The following OPCML variants were observed in gnomAD, a reference collection of about 807,000 sequenced individuals.
OPCML encodes the protein opioid binding protein/cell adhesion molecule like.
In OPCML, 13 loss-of-function variants were observed where a neutral mutation model predicts 37.8. The ratio of observed to expected loss-of-function variants is 0.34; its 90% CI spans 0.22 to 0.55. The LOEUF (loss-of-function observed/expected upper bound fraction) is 0.55, where lower values mean the gene tolerates loss of function less well. Among genes scored for constraint, OPCML ranks in the 20% least tolerant of loss-of-function variants. OPCML has a pLI of 0.91. For missense variants in OPCML, 341 were observed against 435.6 expected (o/e 0.78, Z 1.93); for synonymous variants, 176 against 168.8 (o/e 1.04, Z -0.33).
At chr11:133,102,997 G>T (rs1477972081) in intron 1 of OPCML, among the ~76,000 whole-genome samples, 1 of 152,138 alleles carries the variant, frequency 6.6e-6, no homozygotes, top group African/African-American at 2.4e-5. Context: ...CCTGGGGAGA[G>T]TATCCCTCTG....
intron 4 of OPCML, among the ~76,000 whole-genome samples, chr11:132,527,191 T>A (rs1348975193): frequency 6.6e-6 from 1 of 152,172 alleles, no homozygotes; most frequent in Admixed American, 6.5e-5. Flanking sequence ...GCTAAAAACA[T>A]TTGTGTACAA....
intron 2 of OPCML, among the ~76,000 whole-genome samples, chr11:132,757,200 T>C (rs1159445440): frequency 1.3e-5 from 2 of 152,236 alleles, no homozygotes; most frequent in African/African-American, 4.8e-5. Flanking sequence ...CAGTCTATCA[T>C]TGATGGGCAT....
At chr11:133,038,595 C>G (rs576559756) in intron 1 of OPCML, among the ~76,000 whole-genome samples, 1 of 152,068 alleles carries the variant, frequency 6.6e-6, no homozygotes, top group Non-Finnish European at 1.5e-5. Context: ...TAACTTAACT[C>G]TTTTATAGGG....
chr11:133,357,173 C>G (rs1016781952), intron 1 of OPCML, among the ~76,000 whole-genome samples: 1 of 152,176 alleles, frequency 6.6e-6, no homozygotes, highest in Non-Finnish European at 1.5e-5. Context: ...CAGGCATGGT[C>G]GTTGTTAGGA....
At chr11:132,858,931 A>G (rs1942179204) in intron 2 of OPCML, among the ~76,000 whole-genome samples, 1 of 152,212 alleles carries the variant, frequency 6.6e-6, no homozygotes, top group South Asian at 2.1e-4. Context: ...GTGTGTGTAT[A>G]CTTGGAAATC....
At chr11:133,481,194 A>T (rs1947363436) in intron 1 of OPCML, among the ~76,000 whole-genome samples, 1 of 152,256 alleles carries the variant, frequency 6.6e-6, no homozygotes. Flanking sequence ...TGAGACATTC[A>T]TTGAACAGCT....
In OPCML at chr11:132,482,109, CA is replaced by C. The variant is rs1407749782; in HGVS notation, c.506-44751del. Among the ~76,000 whole-genome samples the C allele has an allele frequency of 8.2e-4, 120 of 147,054 alleles. 3 individuals carry two copies. The East Asian group carries it at 0.019, about 23-fold the overall frequency. ...GGAAATAGAGACACAAAAAACCCTT[CA>C]AAAAATTAATGAATCCAGGAGCTGG... On this transcript the variant is annotated intron_variant, in intron 4 of 7. Coordinates refer to ENST00000524381, the MANE Select transcript of OPCML (RefSeq NM_001012393.5).
chr11:132,694,444 A>C (rs1943530129), intron 2 of OPCML, among the ~76,000 whole-genome samples: 1 of 151,886 alleles, frequency 6.6e-6, no homozygotes, highest in Non-Finnish European at 1.5e-5. Context: ...TGATCTGCCC[A>C]TCTCGGCCTC....
Position 132,967,154 on chromosome 11 carries a change from C to T in OPCML, c.62-24144G>A, listed in dbSNP as rs184838485. On this transcript the variant is annotated intron_variant, in intron 1 of 7. Coordinates refer to ENST00000524381, the MANE Select transcript of OPCML (RefSeq NM_001012393.5). ...CATTTTAATCTCTTTAATATTAATA[C>T]TTTTTCACTCTATTTTATTGAGATA... 3.6e-3 allele frequency among the ~76,000 whole-genome samples: 551 copies of T among 152,044 alleles called. 4 individuals carry two copies. Among genetic ancestry groups the T allele is most frequent in the African/African-American group, 0.013 (523 of 41,518 alleles).
At chr11:133,203,407 A>C (rs915285783) in intron 1 of OPCML, among the ~76,000 whole-genome samples, 4 of 152,186 alleles carry the variant, frequency 2.6e-5, no homozygotes, top group Non-Finnish European at 5.9e-5. Context: ...CTTGCCTCAC[A>C]GTATGGTATG....
chr11:132,454,112 C>G (rs750041891), intron 4 of OPCML, among the ~76,000 whole-genome samples: 8 of 152,176 alleles, frequency 5.3e-5, no homozygotes, highest in Non-Finnish European at 1.2e-4. Flanking sequence ...GTTAAGAAAC[C>G]AGGACTGGCA....
At chr11:133,007,111 A>G (rs923252238) in intron 1 of OPCML, 2 of 985,362 alleles carry the variant, frequency 2.0e-6, no homozygotes, top group Non-Finnish European at 2.4e-6. Context: ...CATCCCCTAG[A>G]GCTTTATTTT....
intron 2 of OPCML, among the ~76,000 whole-genome samples, chr11:132,775,559 C>G (rs543222870): frequency 6.6e-6 from 1 of 152,310 alleles, no homozygotes; most frequent in East Asian, 1.9e-4. Context: ...TCTGAGATAA[C>G]CTTACCCCTC....
At chr11:133,145,359 A>C (rs961667644) in intron 1 of OPCML, among the ~76,000 whole-genome samples, 1 of 152,196 alleles carries the variant, frequency 6.6e-6, no homozygotes, top group African/African-American at 2.4e-5. Context: ...ATTATAGAAA[A>C]GGGAGAAGGT....
intron 4 of OPCML, among the ~76,000 whole-genome samples, chr11:132,464,585 T>C (rs2096113795): frequency 6.6e-6 from 1 of 152,194 alleles, no homozygotes; most frequent in Non-Finnish European, 1.5e-5. Context: ...ATATCTCTAC[T>C]TTTATTAGTT....
chr11:132,475,917 C>T (rs556520114), intron 4 of OPCML, among the ~76,000 whole-genome samples: 4 of 152,102 alleles, frequency 2.6e-5, no homozygotes, highest in Non-Finnish European at 5.9e-5. Flanking sequence ...GACACACAGA[C>T]AAATCCATCT....
chr11:133,109,387 C>T (rs1446490978), intron 1 of OPCML, among the ~76,000 whole-genome samples: 8 of 152,120 alleles, frequency 5.3e-5, no homozygotes, highest in African/African-American at 1.7e-4. Context: ...TACTTGTCCC[C>T]GCCCATGTTC....
Position 132,494,350 on chromosome 11 carries a change from G to A in OPCML, c.505+34711C>T, listed in dbSNP as rs569114541. Among the ~76,000 whole-genome samples, 128 of 152,202 alleles carry A rather than the reference G, an allele frequency of 8.4e-4. 1 individual carries two copies. Among genetic ancestry groups the A allele is most frequent in the South Asian group, 5.8e-3 (28 of 4,816 alleles). On this transcript the variant is annotated intron_variant, in intron 4 of 7. Coordinates refer to ENST00000524381, the MANE Select transcript of OPCML (RefSeq NM_001012393.5). ...TGTTTTCAGTAGTGTTCATGGTATT[G>A]GGCATTTTGAAAAAGTATGAAATAA...
intron 4 of OPCML, among the ~76,000 whole-genome samples, chr11:132,499,855 G>A (rs1297969894): frequency 6.6e-6 from 1 of 152,212 alleles, no homozygotes; most frequent in East Asian, 1.9e-4. Flanking sequence ...TCTGCCAACA[G>A]GGAACACTAC....
Sources: allele counts gnomAD v4.1 joint callset (sites outside exome capture counted in the v4.1 genomes callset), GRCh38; gene constraint gnomAD v4.1.1; transcripts MANE v1.5; gene names NCBI Gene and HGNC (gene_info 2026-07-23, HGNC 2026-07-21).